The following CTNND2 variants were observed in gnomAD, a reference collection of about 807,000 sequenced individuals.
CTNND2 encodes the protein catenin delta 2, also known as catenin delta-2.
A neutral mutation model predicts 144.4 loss-of-function variants in CTNND2; 22 were observed. The observed-to-expected ratio is 0.15, with a 90% CI of 0.11 to 0.22. The LOEUF is 0.22. Ranked by LOEUF, CTNND2 falls within the 10% of genes least tolerant of loss-of-function variation. The probability of loss-of-function intolerance (pLI) is 1.00; values close to 1 mark genes in which losing one functional copy is unlikely to be tolerated. For synonymous variants in CTNND2, 751 were observed against 695.6 expected (o/e 1.08, Z -1.25); for missense variants, 1,353 against 1,618.8 (o/e 0.84, Z 2.82).
rs748518063 is a variant in CTNND2 at position 11,110,876 on chromosome 5, T to TTTC, written c.2442_2444dup (p.Lys817dup). The TTTC allele has an allele frequency of 6.2e-7, 1 of 1,607,664 alleles. No homozygotes were observed. Among genetic ancestry groups the TTTC allele is most frequent in the Non-Finnish European group, 8.5e-7 (1 of 1,175,462 alleles). ...GCATCACCTGATCTTGGGATTTCTT[T>TTTC]TTCTTCTTCTTCTTGCCCCAGCACC... On this transcript the variant is annotated inframe_insertion, in exon 14 of 22. Transcript: ENST00000304623.
At chr5:11,252,031 T>C (rs935091671) in intron 9 of CTNND2, among the ~76,000 whole-genome samples, 16 of 152,134 alleles carry the variant, frequency 1.1e-4, no homozygotes, top group African/African-American at 3.9e-4. Context: ...TACAGTAGAA[T>C]GAGATCTTGC....
At chr5:11,037,138 G>T (rs1455518865) in intron 16 of CTNND2, among the ~76,000 whole-genome samples, 1 of 152,164 alleles carries the variant, frequency 6.6e-6, no homozygotes, top group African/African-American at 2.4e-5. Flanking sequence ...ACATTGGATG[G>T]AATAAATTAA....
At chr5:11,900,103 A>G (rs1031795169) in intron 1 of CTNND2, among the ~76,000 whole-genome samples, 2 of 152,296 alleles carry the variant, frequency 1.3e-5, no homozygotes, top group Admixed American at 1.3e-4. Context: ...TATGTAATTC[A>G]TTTTGCACGT....
intron 2 of CTNND2, among the ~76,000 whole-genome samples, chr5:11,678,690 C>A (rs577701753): frequency 6.6e-6 from 1 of 152,094 alleles, no homozygotes; most frequent in African/African-American, 2.4e-5. Context: ...AGATCACGAA[C>A]AAAATTAAGG....
chr5:11,098,698 G>A lies in CTNND2; in HGVS notation c.2514C>T (p.Ile838=). 6.2e-7 allele frequency: 1 copy of A among 1,614,176 alleles called. No individual in the cohort carries two copies. The highest frequency in any genetic ancestry group is 8.5e-7 in the Non-Finnish European group (1 of 1,180,026). ...LPDCAEPPKG[I]QMLWHPSIVK... ...CTATTGATGGGTGCCACAGCATCTG[G>A]ATCCCTTTTGGTGGTTCAGCACAGT... Residue 838 remains isoleucine (I), a synonymous_variant, in exon 15 of 22, where the codon ATC becomes ATT. Transcript: ENST00000304623.
chr5:11,667,574 G>T (rs771278476), intron 2 of CTNND2, among the ~76,000 whole-genome samples: 21 of 152,170 alleles, frequency 1.4e-4, no homozygotes, highest in Non-Finnish European at 2.8e-4. Flanking sequence ...CTTTTGAAAA[G>T]TATCTGTTCA....
chr5:10,993,122 G>C (rs1738894369), intron 18 of CTNND2, among the ~76,000 whole-genome samples: 1 of 152,116 alleles, frequency 6.6e-6, no homozygotes, highest in Non-Finnish European at 1.5e-5. Flanking sequence ...AGAATCCAGG[G>C]CAGCGTCCTC....
chr5:11,183,010 A>AT (rs1345501403), intron 11 of CTNND2, among the ~76,000 whole-genome samples: 2 of 152,198 alleles, frequency 1.3e-5, no homozygotes. Flanking sequence ...CTAATCAGAC[A>AT]TAGTGTTTGC....
At chr5:11,900,832 A>G (rs1947609) in intron 1 of CTNND2, among the ~76,000 whole-genome samples, 149,720 of 152,310 alleles carry the variant, frequency 0.98, 73,642 homozygotes, top group East Asian at 1. Flanking sequence ...GTCCATGCTT[A>G]GTTTTTGTTC....
rs185473990 is a variant in CTNND2, at chr5:11,028,758, T to A, written c.2789-5779A>T. 4.1e-3 allele frequency among the ~76,000 whole-genome samples: 625 copies of A among 152,338 alleles called. 5 individuals carry two copies. The highest frequency in any genetic ancestry group is 0.013 in the African/African-American group (524 of 41,590). ...GGGTCTCATTCTGTCATCCAGGGTGTAGTGCACTGGTGCAATTTCAGCTGA... is the reference window on the plus strand; with the variant it reads ...GGGTCTCATTCTGTCATCCAGGGTGAAGTGCACTGGTGCAATTTCAGCTGA... On this transcript the variant is annotated intron_variant, in intron 16 of 21. Transcript: ENST00000304623.
At chr5:11,794,919 A>C (rs966700263) in intron 1 of CTNND2, among the ~76,000 whole-genome samples, 2 of 152,202 alleles carry the variant, frequency 1.3e-5, no homozygotes, top group Non-Finnish European at 2.9e-5. Flanking sequence ...TCATGGTATT[A>C]GCCCCATACA....
chr5:11,419,383 C>A (rs964017466), intron 3 of CTNND2, among the ~76,000 whole-genome samples: 2 of 152,056 alleles, frequency 1.3e-5, no homozygotes, highest in African/African-American at 4.8e-5. Flanking sequence ...TTATAATATT[C>A]TTAGCATTGT....
intron 9 of CTNND2, among the ~76,000 whole-genome samples, chr5:11,310,876 G>A (rs1750730345): frequency 7.5e-6 from 1 of 134,074 alleles, no homozygotes; most frequent in African/African-American, 2.8e-5. Context: ...CACTCTCCAT[G>A]CACCCTCACC....
intron 2 of CTNND2, among the ~76,000 whole-genome samples, chr5:11,634,583 C>T (rs1781584756): frequency 6.6e-6 from 1 of 152,174 alleles, no homozygotes; most frequent in Admixed American, 6.5e-5. Flanking sequence ...TGCAATCCCA[C>T]ACTGAGTTTT....
intron 10 of CTNND2, among the ~76,000 whole-genome samples, chr5:11,216,827 T>G (rs1212984131): frequency 6.6e-6 from 1 of 152,206 alleles, no homozygotes; most frequent in Non-Finnish European, 1.5e-5. Flanking sequence ...AGCAGAGGGT[T>G]GCTGTGCCCA....
chr5:11,398,652 G>T (rs1380576774), intron 5 of CTNND2, among the ~76,000 whole-genome samples: 2 of 152,104 alleles, frequency 1.3e-5, no homozygotes, highest in Non-Finnish European at 2.9e-5. Context: ...CATGAAGGGT[G>T]TAACAAAAGT....
Position 11,775,646 on chromosome 5 carries a change from G to A in CTNND2, c.38-43374C>T, listed in dbSNP as rs544301858. Reference sequence around the variant, plus strand: ...AACTCAGGGAGGACTGCGGTTGCTCGTAAGGGTGCTGCTGCTTTCAGAGGA... The same window carrying A: ...AACTCAGGGAGGACTGCGGTTGCTCATAAGGGTGCTGCTGCTTTCAGAGGA... On this transcript the variant is annotated intron_variant, in intron 1 of 21. Coordinates refer to ENST00000304623, the MANE Select transcript of CTNND2 (RefSeq NM_001332.4). Among the ~76,000 whole-genome samples the A allele has an allele frequency of 8.5e-5, 13 of 152,332 alleles. No individual in the cohort carries two copies. The South Asian group carries it at 1.7e-3, about 19-fold the overall frequency.
At chr5:11,772,679 T>C (rs1278603718) in intron 1 of CTNND2, among the ~76,000 whole-genome samples, 3 of 152,200 alleles carry the variant, frequency 2.0e-5, no homozygotes, top group Non-Finnish European at 4.4e-5. Flanking sequence ...CTGTGATCTT[T>C]TGGCCACTGA....
chr5:11,063,170 T>TAC (rs1231459756), intron 16 of CTNND2, among the ~76,000 whole-genome samples: 2 of 152,136 alleles, frequency 1.3e-5, no homozygotes, highest in African/African-American at 4.8e-5. Flanking sequence ...CTCTTTACCT[T>TAC]ATATATATGA....
Sources: allele counts gnomAD v4.1 joint callset (sites outside exome capture counted in the v4.1 genomes callset), GRCh38; gene constraint gnomAD v4.1.1; transcripts MANE v1.5; gene names NCBI Gene and HGNC (gene_info 2026-07-23, HGNC 2026-07-21).